MGAM2: variants seen among roughly 807,000 people sequenced by gnomAD.
The protein encoded by MGAM2 is probable maltase-glucoamylase 2.
Under a neutral mutation model 96.1 loss-of-function variants are expected in MGAM2, and 98 were observed. The ratio of observed to expected loss-of-function variants is 1.02; its 90% CI spans 0.87 to 1.21. MGAM2 has a LOEUF of 1.21. MGAM2 is among the 50% of genes most tolerant of loss of function. The pLI, the probability that MGAM2 is intolerant of heterozygous loss-of-function variation, is 0.00. For missense variants in MGAM2, 2,055 were observed against 1,182.4 expected (o/e 1.74, Z -10.82); for synonymous variants, 749 against 414.8 (o/e 1.81, Z -9.79).
intron 13 of MGAM2, 107 bp downstream of exon 13, chr7:142,143,989 C>A: frequency 3.1e-6 from 2 of 639,682 alleles, no homozygotes; most frequent in Non-Finnish European, 2.8e-6. Flanking sequence ...AAATAGTTTG[C>A]TTTATGTAGT....
At chr7:142,219,090 C>G (rs1186536847) in intron 47 of MGAM2, among the ~76,000 whole-genome samples, 1 of 152,090 alleles carries the variant, frequency 6.6e-6, no homozygotes, top group African/African-American at 2.4e-5. Context: ...ATTCTAGAAT[C>G]AACTAAACCA....
intron 15 of MGAM2, among the ~76,000 whole-genome samples, chr7:142,150,544 T>A (rs529809754): frequency 4.5e-4 from 68 of 152,184 alleles, no homozygotes; most frequent in African/African-American, 1.6e-3. Context: ...TGAAGCATAG[T>A]CCAAGGAACA....
intron 34 of MGAM2, among the ~76,000 whole-genome samples, 199 bp from the exon 35 acceptor site, chr7:142,185,790 T>A (rs1332927074): frequency 1.3e-5 from 2 of 152,216 alleles, no homozygotes; most frequent in African/African-American, 4.8e-5. Context: ...TATAAAGCTA[T>A]CTAACCTTCT....
intron 2 of MGAM2, among the ~76,000 whole-genome samples, chr7:142,118,069 A>C (rs1233134585): frequency 2.6e-5 from 4 of 152,168 alleles, no homozygotes; most frequent in Non-Finnish European, 4.4e-5. Context: ...TGTATAATAC[A>C]GTATTGTTAT....
intron 10 of MGAM2, 140 bp downstream of exon 10, chr7:142,138,807 T>A (rs1001938667): frequency 1.5e-5 from 9 of 596,446 alleles, no homozygotes; most frequent in Non-Finnish European, 2.7e-5. Flanking sequence ...AATTTGCATG[T>A]TAAGTTATGT....
Position 142,221,830 on chromosome 7 carries a change from C to T in MGAM2, c.7319C>T (p.Thr2440Ile), listed in dbSNP as rs1797941618. 5.0e-6 allele frequency: 2 copies of T among 400,076 alleles called. No homozygotes were observed. The highest frequency in any genetic ancestry group is 4.1e-5 in the African/African-American group (2 of 48,618). The allele number at this position is 400,076 out of a possible 1,614,324, so 24.8% of individuals were successfully genotyped here. A position where few individuals can be genotyped will look rare whatever the true frequency, so the allele number is the denominator to read the frequency against. The change falls in exon 48 of 48, where the codon ACA becomes ATA. Residue 2440 changes from threonine to isoleucine, a missense_variant. Coordinates refer to ENST00000477922, the MANE Select transcript of MGAM2 (RefSeq NM_001293626.2). ...ACACACATTTCTGTTTCAAATCTCA[C>T]AACAGCCTCAGTCACAATAACAGCC... ...NTTHISVSNL[T>I]TASVTITATG...
At chr7:142,177,910 G>T (rs796125690) in intron 32 of MGAM2, among the ~76,000 whole-genome samples, 3 of 152,284 alleles carry the variant, frequency 2.0e-5, no homozygotes, top group African/African-American at 7.2e-5. Context: ...GGGTGGTATG[G>T]TAGATCAATT....
chr7:142,162,028 C>T (rs1282625949), intron 23 of MGAM2, 24 bp downstream of exon 23: 3 of 688,168 alleles, frequency 4.4e-6, no homozygotes, highest in Non-Finnish European at 7.9e-6. Context: ...TTGAGGAACA[C>T]ACAGCATATG....
chr7:142,168,472 G>A (rs188358613), intron 26 of MGAM2, among the ~76,000 whole-genome samples: 1 of 152,058 alleles, frequency 6.6e-6, no homozygotes, highest in Admixed American at 6.6e-5. Context: ...ATTTCACCAT[G>A]TTGGCCAGGC....
intron 3 of MGAM2, among the ~76,000 whole-genome samples, chr7:142,130,542 C>A (rs976169854): frequency 6.6e-6 from 1 of 152,198 alleles, no homozygotes; most frequent in African/African-American, 2.4e-5. Context: ...ATGGGACTTA[C>A]CTTTCACTTA....
chr7:142,158,577 G>T (rs1795802226), intron 19 of MGAM2, among the ~76,000 whole-genome samples: 1 of 152,146 alleles, frequency 6.6e-6, no homozygotes, highest in South Asian at 2.1e-4. Flanking sequence ...TAGGCATATG[G>T]CTGCAGCATT....
intron 7 of MGAM2, among the ~76,000 whole-genome samples, chr7:142,136,242 T>C (rs1378241178): frequency 6.6e-6 from 1 of 152,184 alleles, no homozygotes; most frequent in Non-Finnish European, 1.5e-5. Context: ...AATCATACAA[T>C]ATATGGTTGT....
intron 37 of MGAM2, among the ~76,000 whole-genome samples, chr7:142,194,696 A>ATGTGTGTGTGTGTGTGTG (rs72262078): frequency 5.8e-5 from 8 of 138,456 alleles, no homozygotes; most frequent in African/African-American, 1.9e-4. Flanking sequence ...ACATGTGTGT[A>ATGTGTGTGTGTGTGTGTG]TGTGTGTGTG....
intron 32 of MGAM2, 81 bp from the exon 33 acceptor site, chr7:142,183,185 T>C: frequency 1.5e-6 from 1 of 651,652 alleles, no homozygotes; most frequent in East Asian, 2.7e-5. Context: ...CCTTCTGCAC[T>C]ATGAACTACT....
chr7:142,177,810 A>G (rs12537217), intron 32 of MGAM2, among the ~76,000 whole-genome samples: 28,761 of 152,200 alleles, frequency 0.19, 3,001 homozygotes, highest in East Asian at 0.34. Context: ...CTGCTATTGC[A>G]GATAGTGCTG....
chr7:142,169,731 C>A (rs1796135285), intron 26 of MGAM2, among the ~76,000 whole-genome samples: 1 of 152,136 alleles, frequency 6.6e-6, no homozygotes. Flanking sequence ...CACACACACA[C>A]AAATTTACAC....
chr7:142,125,702 A>G (rs1563248564), intron 3 of MGAM2, among the ~76,000 whole-genome samples: 1 of 152,212 alleles, frequency 6.6e-6, no homozygotes, highest in Non-Finnish European at 1.5e-5. Context: ...CACTGACTTA[A>G]GTTGTATTTA....
intron 4 of MGAM2, 131 bp from the exon 5 acceptor site, chr7:142,131,387 G>A (rs886855108): frequency 1.6e-5 from 10 of 612,314 alleles, no homozygotes; most frequent in African/African-American, 3.7e-5. Flanking sequence ...GCAGTGAGCC[G>A]AGATCACGTC....
chr7:142,164,795 T>A, intron 23 of MGAM2, 61 bp from the exon 24 acceptor site: 1 of 597,252 alleles, frequency 1.7e-6, no homozygotes, highest in South Asian at 2.2e-5. Flanking sequence ...TGACTGGTAT[T>A]TGGGGATAAT....
Sources: allele counts gnomAD v4.1 joint callset (sites outside exome capture counted in the v4.1 genomes callset), GRCh38; gene constraint gnomAD v4.1.1; transcripts MANE v1.5; gene names NCBI Gene and HGNC (gene_info 2026-07-23, HGNC 2026-07-21).